SLC25A17: variants seen among roughly 807,000 people sequenced by gnomAD.
SLC25A17 encodes peroxisomal membrane protein PMP34.
A neutral mutation model predicts 38.5 loss-of-function variants in SLC25A17; 26 were observed. That is an observed-to-expected ratio of 0.68 (90% confidence interval 0.50 to 0.94). SLC25A17 has a LOEUF of 0.94. SLC25A17 is among the 40% of genes least tolerant of loss of function. SLC25A17 has a pLI of 0.00. For synonymous variants in SLC25A17, 139 were observed against 136.2 expected (o/e 1.02, Z -0.14); for missense variants, 333 against 372.7 (o/e 0.89, Z 0.88).
chr22:40,785,340 C>T (rs921414793), intron 4 of SLC25A17, among the ~76,000 whole-genome samples: 2 of 152,192 alleles, frequency 1.3e-5, no homozygotes, highest in Admixed American at 1.3e-4. Flanking sequence ...GCGGAGATCG[C>T]GCCACTGCAC....
intron 1 of SLC25A17, among the ~76,000 whole-genome samples, chr22:40,813,732 A>G (rs2057606718): frequency 6.6e-6 from 1 of 152,180 alleles, no homozygotes; most frequent in East Asian, 1.9e-4. Flanking sequence ...TCAAAAACAA[A>G]AACAAAAAAT....
chr22:40,778,890 C>G lies in SLC25A17; in HGVS notation c.451+119G>C, dbSNP rs2057270245. The G allele has an allele frequency of 3.7e-6, 3 of 807,664 alleles. No individual in the cohort carries two copies. The South Asian group carries it at 5.4e-5, about 15-fold the overall frequency. The allele number at this position is 807,664 out of a possible 1,614,324, so 50.0% of individuals were successfully genotyped here. A position where few individuals can be genotyped will look rare whatever the true frequency, so the allele number is the denominator to read the frequency against. On this transcript the variant is annotated intron_variant, in intron 5 of 8. Coordinates refer to ENST00000435456, the MANE Select transcript of SLC25A17 (RefSeq NM_006358.4). ...TAAACAAATTTACAAGAAAAAAAAT[C>G]AAACAAACCCATCAAAAAGTGGGCA... is the stretch of plus-strand genomic sequence containing the variant.
rs770994578 is a variant in SLC25A17, at chr22:40,794,545, C to T, written c.151G>A (p.Val51Met). ...EKRKSKTTHM[V>M]LLEIIKEEGL... ...TCTTCTTTAATGATCTCCAGGAGCA[C>T]CATGTGTGTAGTTTTGGATTTTCTT... The change falls in exon 3 of 9, where the codon GTG (valine) becomes ATG (methionine). Residue 51 changes from valine to methionine, a missense_variant. Coordinates refer to ENST00000435456, the MANE Select transcript of SLC25A17 (RefSeq NM_006358.4). 5.0e-6 allele frequency: 8 copies of T among 1,611,876 alleles called. No homozygotes were observed. The South Asian group carries it at 5.5e-5, about 11-fold the overall frequency.
In SLC25A17 at chr22:40,775,759, A is replaced by G. The variant is rs6002125; in HGVS notation, c.693+1281T>C. Among the ~76,000 whole-genome samples, 547 of 152,228 alleles carry G rather than the reference A, an allele frequency of 3.6e-3. 5 individuals are homozygous for G. Among genetic ancestry groups the G allele is most frequent in the African/African-American group, 0.013 (526 of 41,534 alleles). Reference sequence around the variant, plus strand: ...ATTACAGGCGTGAGCCACCGCGCCCAACCGATCTGATGGTTTTATAGGAGG... The same window carrying G: ...ATTACAGGCGTGAGCCACCGCGCCCGACCGATCTGATGGTTTTATAGGAGG... On this transcript the variant is annotated intron_variant, in intron 7 of 8. Coordinates refer to ENST00000435456, the MANE Select transcript of SLC25A17 (RefSeq NM_006358.4).
At chr22:40,778,418 C>T (rs897315284) in intron 5 of SLC25A17, among the ~76,000 whole-genome samples, 1 of 152,152 alleles carries the variant, frequency 6.6e-6, no homozygotes, top group African/African-American at 2.4e-5. Flanking sequence ...TATGCTCATG[C>T]TGGTCCCAGA....
chr22:40,770,922 A>T lies in SLC25A17; in HGVS notation c.836T>A (p.Leu279His). The stretch of plus-strand genomic sequence containing the variant: ...AACAAGGAACATGAGAGCAGCAGTG[A>T]GGACTGTCTGCAGCAGTTTGGCTTC... Reference protein sequence around the residue: ...GLEAKLLQTVLTAALMFLVYE... With the variant: ...GLEAKLLQTVHTAALMFLVYE... The change falls in exon 9 of 9, where the codon CTC becomes CAC. Residue 279 changes from leucine to histidine, a missense_variant. Transcript: ENST00000435456. The T allele has an allele frequency of 6.2e-7, 1 of 1,613,214 alleles. No individual in the cohort carries two copies. Among genetic ancestry groups the T allele is most frequent in the Non-Finnish European group, 8.5e-7 (1 of 1,179,288 alleles).
chr22:40,792,691 C>T lies in SLC25A17; in HGVS notation c.183-15G>A, dbSNP rs1193515957. 6.2e-7 allele frequency: 1 copy of T among 1,613,146 alleles called. No individual in the cohort carries two copies. Among genetic ancestry groups the T allele is most frequent in the African/African-American group, 1.3e-5 (1 of 74,978 alleles). ...ATGGTGCCAGGCTAGGGGAAAAACA[C>T]AATAAGCAAAGTAAAGGTCATGGAC... On this transcript the variant is annotated splice_polypyrimidine_tract_variant and intron_variant, in intron 3 of 8. Transcript: ENST00000435456.
chr22:40,770,774 C>A lies in SLC25A17; in HGVS notation c.*60G>T, dbSNP rs979662558. 5.3e-6 allele frequency: 8 copies of A among 1,520,462 alleles called. No individual in the cohort carries two copies. The African/African-American group carries it at 1.1e-4, about 21-fold the overall frequency. 94.2% of individuals were successfully genotyped at this position (1,520,462 alleles called of 1,614,324 possible). On this transcript the variant is annotated 3_prime_UTR_variant, in exon 9 of 9. Transcript: ENST00000435456. ...CCAGAGTCAAGGGAGAATCACTTCT[C>A]TTCACTCAGGAGGAAACCTCCCTCT...
intron 4 of SLC25A17, among the ~76,000 whole-genome samples, chr22:40,786,685 C>T (rs2057341281): frequency 6.6e-6 from 1 of 152,230 alleles, no homozygotes; most frequent in Non-Finnish European, 1.5e-5. Context: ...TTTCAATCCA[C>T]AGTTGGCCGA....
At chr22:40,804,349 C>T (rs372002562) in intron 1 of SLC25A17, among the ~76,000 whole-genome samples, 1 of 152,068 alleles carries the variant, frequency 6.6e-6, no homozygotes, top group Non-Finnish European at 1.5e-5. Context: ...ACCAGGGCCC[C>T]TGTGAAGGAA....
intron 7 of SLC25A17, chr22:40,776,276 G>A (rs760090998): frequency 3.2e-5 from 15 of 468,592 alleles, no homozygotes; most frequent in Non-Finnish European, 6.2e-5. Context: ...CCCACAGTGT[G>A]GATGCTTAGT....
At chr22:40,778,505 CAT>C (rs761120566) in intron 5 of SLC25A17, among the ~76,000 whole-genome samples, 20 of 152,310 alleles carry the variant, frequency 1.3e-4, no homozygotes, top group South Asian at 2.1e-4. Flanking sequence ...AATCCACAAA[CAT>C]GTGTTAAAAA....
intron 7 of SLC25A17, chr22:40,776,209 C>A (rs1163265736): frequency 5.0e-6 from 2 of 403,830 alleles, no homozygotes; most frequent in Non-Finnish European, 9.9e-6. Context: ...CTCTCTTCCA[C>A]TAGCTCCATA....
chr22:40,810,901 G>C (rs1347838793), intron 1 of SLC25A17, among the ~76,000 whole-genome samples: 2 of 152,038 alleles, frequency 1.3e-5, no homozygotes, highest in African/African-American at 2.4e-5. Flanking sequence ...TGAGAATTCA[G>C]CTCTCTTATA....
At chr22:40,794,679 G>A in intron 2 of SLC25A17, 99 bp from the exon 3 acceptor site, 1 of 561,334 alleles carries the variant, frequency 1.8e-6, no homozygotes, top group Non-Finnish European at 3.0e-6. Context: ...GAGTGCAGTG[G>A]CGTGATCTCA....
Position 40,770,886 on chromosome 22 carries a change from A to G in SLC25A17, c.872T>C (p.Leu291Pro). 1 of 1,613,526 alleles carries G rather than the reference A, an allele frequency of 6.2e-7. No homozygotes were observed. Among genetic ancestry groups the G allele is most frequent in the Non-Finnish European group, 8.5e-7 (1 of 1,179,540 alleles). Residue 291 changes from leucine (L) to proline (P), a missense_variant, in exon 9 of 9, where the codon CTG becomes CCG. Physicochemically the swap from Leu to Pro is moderately conservative, Grantham distance 98. Coordinates refer to ENST00000435456, the MANE Select transcript of SLC25A17 (RefSeq NM_006358.4). ...CATAACTGTGAAGGTGGCAGCTGTC[A>G]GTTTCTCATAAACAAGGAACATGAG... is the stretch of plus-strand genomic sequence containing the variant. ...AALMFLVYEKLTAATFTVMGL... is the reference protein window; with the variant it reads ...AALMFLVYEKPTAATFTVMGL...
At chr22:40,776,640 T>C in intron 7 of SLC25A17, among the ~76,000 whole-genome samples, 1 of 152,236 alleles carries the variant, frequency 6.6e-6, no homozygotes, top group East Asian at 1.9e-4. Flanking sequence ...TTCATGCCTA[T>C]AATCCCAGCA....
intron 1 of SLC25A17, among the ~76,000 whole-genome samples, chr22:40,809,452 C>A (rs1258266020): frequency 7.1e-6 from 1 of 140,696 alleles, no homozygotes; most frequent in Non-Finnish European, 1.5e-5. Flanking sequence ...TGTAGAAACC[C>A]AGTCTCTACA....
intron 2 of SLC25A17, chr22:40,798,312 T>C (rs1239654817): frequency 6.6e-6 from 1 of 152,460 alleles, no homozygotes; most frequent in Non-Finnish European, 1.5e-5. Context: ...CCCTTTACCC[T>C]GGGTCTTAGA....
Sources: gnomAD v4.1 joint callset for allele counts (sites outside exome capture counted in the v4.1 genomes callset) on GRCh38, gnomAD v4.1.1 for gene constraint, MANE v1.5 for transcripts, NCBI Gene and HGNC (gene_info 2026-07-23, HGNC 2026-07-21) for gene names.